Variants in ARHGAP6 observed in about 807,000 individuals in gnomAD.
ARHGAP6 encodes rho GTPase-activating protein 6.
In ARHGAP6, 16 loss-of-function variants were observed where a neutral mutation model predicts 55.7. That is an observed-to-expected ratio of 0.29 (90% confidence interval 0.19 to 0.44). ARHGAP6 has a LOEUF of 0.44. ARHGAP6 is among the 20% of genes least tolerant of loss of function. ARHGAP6 has a pLI of 1.00. For synonymous variants in ARHGAP6, 382 were observed against 360.9 expected, an observed-to-expected ratio of 1.06 and a Z score of -0.66; for missense variants, 698 against 808.9, an observed-to-expected ratio of 0.86 and a Z score of 1.66.
At chrX:11,381,968 T>C (rs1351633525) in intron 1 of ARHGAP6, among the ~76,000 whole-genome samples, 1 of 112,133 alleles carries the variant, frequency 8.9e-6, no homozygotes, top group Non-Finnish European at 1.9e-5. Context: ...GTAACATTAA[T>C]GTTACATAAG....
chrX:11,312,618 TG>T (rs1442342321), intron 1 of ARHGAP6, among the ~76,000 whole-genome samples: 1 of 111,484 alleles, frequency 9.0e-6, no homozygotes, highest in Non-Finnish European at 1.9e-5. Flanking sequence ...TCTTTAGAGG[TG>T]TTTACAAAGC....
chrX:11,367,430 C>A (rs2049096238), intron 1 of ARHGAP6, among the ~76,000 whole-genome samples: 1 of 111,132 alleles, frequency 9.0e-6, no homozygotes, highest in African/African-American at 3.3e-5. Flanking sequence ...ATGACAGATG[C>A]CTTTGCCTCT....
intron 1 of ARHGAP6, among the ~76,000 whole-genome samples, chrX:11,596,466 T>C (rs979896403): frequency 9.0e-6 from 1 of 111,054 alleles, no homozygotes; most frequent in Admixed American, 9.5e-5. Context: ...GAGAAATACC[T>C]AATGTAGGTG....
At chrX:11,253,330 A>G (rs569624442) in intron 2 of ARHGAP6, among the ~76,000 whole-genome samples, 5 of 111,159 alleles carry the variant, frequency 4.5e-5, no homozygotes, top group African/African-American at 1.3e-4. Context: ...TATGTTGTGT[A>G]TATATATATG....
At chrX:11,358,419 C>T (rs2048959734) in intron 1 of ARHGAP6, among the ~76,000 whole-genome samples, 1 of 103,272 alleles carries the variant, frequency 9.7e-6, no homozygotes, top group African/African-American at 3.6e-5. Flanking sequence ...GGTAGTTCTA[C>T]GTTTTAACTG....
chrX:11,385,338 C>T (rs934776771), intron 1 of ARHGAP6, among the ~76,000 whole-genome samples: 2 of 111,642 alleles, frequency 1.8e-5, no homozygotes, highest in Non-Finnish European at 3.8e-5. Context: ...AGTGCTGGTG[C>T]TGGTACTAAT....
intron 1 of ARHGAP6, among the ~76,000 whole-genome samples, chrX:11,510,629 A>C (rs2050776851): frequency 9.0e-6 from 1 of 111,340 alleles, no homozygotes; most frequent in Non-Finnish European, 1.9e-5. Context: ...CCTGAATCAG[A>C]GTAAAAAAGC....
intron 1 of ARHGAP6, among the ~76,000 whole-genome samples, chrX:11,423,238 C>T (rs746117643): frequency 1.8e-5 from 2 of 113,060 alleles, no homozygotes; most frequent in East Asian, 2.8e-4. Context: ...AGGCCTGCAA[C>T]GGCGCCCAGT....
intron 8 of ARHGAP6, among the ~76,000 whole-genome samples, chrX:11,174,600 C>CTTTCT (rs1569241353): frequency 6.9e-5 from 6 of 87,363 alleles, no homozygotes; most frequent in African/African-American, 2.5e-4. Context: ...CTTTTTCTTT[C>CTTTCT]TTTCTTTCTT....
intron 1 of ARHGAP6, among the ~76,000 whole-genome samples, chrX:11,488,921 C>T (rs58902063): frequency 0.026 from 2,875 of 111,709 alleles, 40 homozygotes; most frequent in Middle Eastern, 0.06. Flanking sequence ...ACCTCTCTGT[C>T]CAGCTCAACT....
chrX:11,486,011 A>T (rs2050507790), intron 1 of ARHGAP6, among the ~76,000 whole-genome samples: 1 of 112,143 alleles, frequency 8.9e-6, no homozygotes, highest in African/African-American at 3.2e-5. Context: ...TTTTGATCTC[A>T]GTATATAGAA....
chrX:11,374,795 A>G (rs2049182379), intron 1 of ARHGAP6, among the ~76,000 whole-genome samples: 2 of 112,048 alleles, frequency 1.8e-5, no homozygotes, highest in African/African-American at 6.5e-5. Flanking sequence ...AGTGATAGCA[A>G]GCCGTTAACA....
intron 1 of ARHGAP6, among the ~76,000 whole-genome samples, chrX:11,504,048 A>AT (rs202127320): frequency 9.1e-6 from 1 of 109,702 alleles, no homozygotes; most frequent in Non-Finnish European, 1.9e-5. Flanking sequence ...TTATGTATCA[A>AT]TTTTTTTTGG....
intron 1 of ARHGAP6, chrX:11,296,911 TC>T: frequency 1.8e-6 from 2 of 1,089,333 alleles, no homozygotes; most frequent in Non-Finnish European, 2.5e-6. Context: ...TGATTCTTTA[TC>T]CCAGATGTTT....
chrX:11,555,708 C>G (rs1242348644), intron 1 of ARHGAP6, among the ~76,000 whole-genome samples: 1 of 111,113 alleles, frequency 9.0e-6, no homozygotes, highest in Non-Finnish European at 1.9e-5. Context: ...GATCATGCCA[C>G]TGCACTCCAG....
At chrX:11,216,621 A>C (rs1185897118) in intron 2 of ARHGAP6, among the ~76,000 whole-genome samples, 2 of 112,510 alleles carry the variant, frequency 1.8e-5, no homozygotes, top group Non-Finnish European at 3.8e-5. Flanking sequence ...TCACTGTTCT[A>C]TGCAGAACAT....
At chrX:11,375,504 C>G (rs905999185) in intron 1 of ARHGAP6, among the ~76,000 whole-genome samples, 18 of 112,063 alleles carry the variant, frequency 1.6e-4, no homozygotes, top group African/African-American at 5.5e-4. Flanking sequence ...ATTAAACATA[C>G]CTCTATATTT....
At chrX:11,372,500 C>T (rs981582114) in intron 1 of ARHGAP6, among the ~76,000 whole-genome samples, 1 of 110,726 alleles carries the variant, frequency 9.0e-6, no homozygotes, top group African/African-American at 3.3e-5. Context: ...TTGACTGGCA[C>T]GGTGGCTCAC....
chrX:11,396,421 G>T (rs911442480), intron 1 of ARHGAP6, among the ~76,000 whole-genome samples: 2 of 111,344 alleles, frequency 1.8e-5, no homozygotes, highest in African/African-American at 3.3e-5. Context: ...GGGGATGACT[G>T]CTCCCTCTTA....
Sources: gnomAD v4.1 joint callset for allele counts (sites outside exome capture counted in the v4.1 genomes callset) on GRCh38, gnomAD v4.1.1 for gene constraint, MANE v1.5 for transcripts, NCBI Gene and HGNC (gene_info 2026-07-23, HGNC 2026-07-21) for gene names.